DGKB: variants seen among roughly 807,000 people sequenced by gnomAD.
The protein encoded by DGKB is 90 kDa diacylglycerol kinase.
In DGKB, 67 loss-of-function variants were observed where a neutral mutation model predicts 114.3. The observed-to-expected ratio is 0.59, with a 90% CI of 0.48 to 0.72. The LOEUF (loss-of-function observed/expected upper bound fraction) is 0.72, where lower values mean the gene tolerates loss of function less well. DGKB is among the 30% of genes least tolerant of loss of function. The pLI is 0.00. For missense variants in DGKB, 907 were observed against 975.2 expected, an observed-to-expected ratio of 0.93 and a Z score of 0.93; for synonymous variants, 398 against 323.1, an observed-to-expected ratio of 1.23 and a Z score of -2.49.
At chr7:14,407,583 C>T (rs1465876050) in intron 21 of DGKB, among the ~76,000 whole-genome samples, 1 of 152,048 alleles carries the variant, frequency 6.6e-6, no homozygotes, top group Admixed American at 6.6e-5. Context: ...AAATTAAAAC[C>T]TCAACTCACT....
chr7:14,457,626 CT>C (rs1370655257), intron 21 of DGKB, among the ~76,000 whole-genome samples: 7 of 152,156 alleles, frequency 4.6e-5, no homozygotes, highest in Non-Finnish European at 7.3e-5. Flanking sequence ...AACATCAACA[CT>C]TTGACTTTTA....
At chr7:14,886,931 T>C (rs1290784281) in intron 1 of DGKB, among the ~76,000 whole-genome samples, 1 of 151,998 alleles carries the variant, frequency 6.6e-6, no homozygotes, top group East Asian at 1.9e-4. Flanking sequence ...AGCTCTTAAG[T>C]CAGCCTTGCA....
intron 25 of DGKB, among the ~76,000 whole-genome samples, chr7:14,172,602 G>C (rs1429027906): frequency 6.6e-6 from 1 of 152,118 alleles, no homozygotes; most frequent in Non-Finnish European, 1.5e-5. Flanking sequence ...ATAGAGGGAA[G>C]AATCGCAGAT....
At chr7:14,929,793 G>T (rs1422811383) in intron 1 of DGKB, among the ~76,000 whole-genome samples, 1 of 151,958 alleles carries the variant, frequency 6.6e-6, no homozygotes, top group Admixed American at 6.6e-5. Flanking sequence ...TGAATTCTTT[G>T]CCTAGACTAA....
At chr7:14,219,005 A>G (rs1348839593) in intron 23 of DGKB, among the ~76,000 whole-genome samples, 2 of 151,964 alleles carry the variant, frequency 1.3e-5, no homozygotes. Flanking sequence ...AATATTTCAT[A>G]CAAATGGAAT....
chr7:14,898,961 T>G (rs1782551196), intron 1 of DGKB, among the ~76,000 whole-genome samples: 1 of 152,160 alleles, frequency 6.6e-6, no homozygotes, highest in African/African-American at 2.4e-5. Context: ...CATTTCAAAT[T>G]GTTGACTCAG....
At chr7:14,412,535 C>T (rs993179112) in intron 21 of DGKB, among the ~76,000 whole-genome samples, 3 of 152,134 alleles carry the variant, frequency 2.0e-5, no homozygotes, top group Non-Finnish European at 4.4e-5. Flanking sequence ...ATAGATGAGC[C>T]TGAGGCTCAG....
At chr7:14,875,178 A>C (rs1305268691) in intron 1 of DGKB, among the ~76,000 whole-genome samples, 1 of 152,176 alleles carries the variant, frequency 6.6e-6, no homozygotes, top group East Asian at 1.9e-4. Flanking sequence ...AGTTTGATCA[A>C]TATCACAGTA....
intron 17 of DGKB, among the ~76,000 whole-genome samples, chr7:14,593,279 A>T (rs558110219): frequency 6.6e-6 from 1 of 152,064 alleles, no homozygotes; most frequent in Admixed American, 6.6e-5. Context: ...ACAGAAAATG[A>T]GAGAATATTT....
intron 23 of DGKB, among the ~76,000 whole-genome samples, chr7:14,248,617 G>A (rs541200030): frequency 1.3e-5 from 2 of 151,902 alleles, no homozygotes; most frequent in South Asian, 4.2e-4. Context: ...TATTTTAAAT[G>A]GAATTGTTTT....
At chr7:14,601,162 G>A (rs1803476516) in intron 17 of DGKB, among the ~76,000 whole-genome samples, 1 of 152,180 alleles carries the variant, frequency 6.6e-6, no homozygotes, top group African/African-American at 2.4e-5. Context: ...GTCTCCTGAA[G>A]GGTGGCTCTG....
At chr7:14,665,599 G>T (rs897620573) in intron 13 of DGKB, among the ~76,000 whole-genome samples, 1 of 152,020 alleles carries the variant, frequency 6.6e-6, no homozygotes, top group South Asian at 2.1e-4. Context: ...AATCATGGAG[G>T]TGAATACAAC....
chr7:14,882,954 G>C (rs905245419), intron 1 of DGKB, among the ~76,000 whole-genome samples: 6 of 151,860 alleles, frequency 4.0e-5, no homozygotes, highest in South Asian at 4.2e-4. Flanking sequence ...GGTATCTTTT[G>C]ACATATTATT....
At chr7:14,963,017 T>A (rs2115277294) in intron 1 of DGKB, among the ~76,000 whole-genome samples, 1 of 152,240 alleles carries the variant, frequency 6.6e-6, no homozygotes, top group South Asian at 2.1e-4. Context: ...TTTGTTTCCC[T>A]TGCCCTGCTT....
chr7:14,240,491 G>A (rs1216364662), intron 23 of DGKB, among the ~76,000 whole-genome samples: 1 of 152,036 alleles, frequency 6.6e-6, no homozygotes, highest in African/African-American at 2.4e-5. Context: ...ACTCACCTAA[G>A]AAACCTTAGT....
chr7:14,948,161 C>T (rs1473476467), intron 1 of DGKB, among the ~76,000 whole-genome samples: 1 of 151,770 alleles, frequency 6.6e-6, no homozygotes, highest in Non-Finnish European at 1.5e-5. Context: ...TGTAACAAAG[C>T]ATCTGAAATA....
chr7:14,912,648 C>T (rs1170189911), intron 1 of DGKB, among the ~76,000 whole-genome samples: 2 of 152,080 alleles, frequency 1.3e-5, no homozygotes, highest in Non-Finnish European at 2.9e-5. Flanking sequence ...TATTTCTTTC[C>T]TTAGCTGCAA....
At chr7:14,402,344 C>T (rs187451481) in intron 21 of DGKB, among the ~76,000 whole-genome samples, 50 of 151,890 alleles carry the variant, frequency 3.3e-4, no homozygotes, top group African/African-American at 9.2e-4. Flanking sequence ...ATACTCCTAC[C>T]CATATCAATG....
In DGKB at chr7:14,753,947, T is replaced by A. The variant is rs1255864717; in HGVS notation, c.149A>T (p.Lys50Ile). 1.1e-5 allele frequency: 16 copies of A among 1,518,434 alleles called. No individual in the cohort carries two copies. The highest frequency in any genetic ancestry group is 1.4e-5 in the Non-Finnish European group (15 of 1,109,872). 94.1% of individuals were successfully genotyped at this position (1,518,434 alleles called of 1,614,324 possible). ...GVLAKYNPEG[K>I]QDILNQTIDF... ...TCTTACTTGGTTAAGAATGTCTTGT[T>A]TCTGTGCATGCAAGGAAAGAAAGAA... Residue 50 changes from lysine to isoleucine, a missense_variant and splice_region_variant, in exon 4 of 26, where the codon AAA (lysine) becomes ATA (isoleucine). This residue lies in a region of DGKB where 814 missense variants were observed against 856.6 expected (regional missense o/e 0.95). Coordinates refer to ENST00000402815, the MANE Select transcript of DGKB (RefSeq NM_001350709.2).
Sources: allele counts gnomAD v4.1 joint callset (sites outside exome capture counted in the v4.1 genomes callset), GRCh38; gene constraint gnomAD v4.1.1; regional missense constraint gnomAD v4.1.1; transcripts MANE v1.5; gene names NCBI Gene and HGNC (gene_info 2026-07-23, HGNC 2026-07-21).